MAD1L1: variants seen among roughly 807,000 people sequenced by gnomAD.
The protein encoded by MAD1L1 is mitotic spindle assembly checkpoint protein MAD1.
A neutral mutation model predicts 96.9 loss-of-function variants in MAD1L1; 95 were observed. That is an observed-to-expected ratio of 0.98 (90% confidence interval 0.83 to 1.16). The LOEUF is 1.16. Among genes scored for constraint, MAD1L1 ranks in the 50% most tolerant of loss-of-function variants. The probability of loss-of-function intolerance (pLI) is 0.00; values close to 1 mark genes in which losing one functional copy is unlikely to be tolerated. For missense variants in MAD1L1, 1,007 were observed against 954.4 expected (o/e 1.06, Z -0.73); for synonymous variants, 473 against 396.6 (o/e 1.19, Z -2.29).
At chr7:1,950,767 G>A (rs1779456833) in intron 16 of MAD1L1, among the ~76,000 whole-genome samples, 1 of 152,246 alleles carries the variant, frequency 6.6e-6, no homozygotes, top group African/African-American at 2.4e-5. Flanking sequence ...TCAGCATGGG[G>A]GGAGCAGCAC....
In MAD1L1 at chr7:2,008,771, A is replaced by G. The variant is rs78404944; in HGVS notation, c.1359+5731T>C. 5.7e-4 allele frequency among the ~76,000 whole-genome samples: 71 copies of G among 123,812 alleles called. No individual in the cohort carries two copies. The South Asian group carries it at 0.013, about 22-fold the overall frequency. 81.2% of individuals were successfully genotyped at this position (123,812 alleles called of 152,430 possible). ...TCAGACGCAGACACGCAGGAAGCTC[A>G]GGGGGGGAAGGAACACGGCTCCATC... On this transcript the variant is annotated intron_variant, in intron 13 of 18. Coordinates refer to ENST00000265854, the MANE Select transcript of MAD1L1 (RefSeq NM_001013836.2).
Position 2,133,816 on chromosome 7 carries a change from T to C in MAD1L1, c.1073+15336A>G, listed in dbSNP as rs145362315. 2.9e-3 allele frequency among the ~76,000 whole-genome samples: 440 copies of C among 152,348 alleles called. 5 individuals carry two copies. The highest frequency in any genetic ancestry group is 9.9e-3 in the African/African-American group (412 of 41,570). On this transcript the variant is annotated intron_variant, in intron 11 of 18. Coordinates refer to ENST00000265854, the MANE Select transcript of MAD1L1 (RefSeq NM_001013836.2). Reference sequence around the variant, plus strand: ...GAAGACCGTTTTCCTCTGAGCTGCCTTTGCTCTGCGGTCCACGATCAGCCG... The same window carrying C: ...GAAGACCGTTTTCCTCTGAGCTGCCCTTGCTCTGCGGTCCACGATCAGCCG...
At chr7:2,055,115 C>T (rs1172470207) in intron 12 of MAD1L1, among the ~76,000 whole-genome samples, 1 of 152,242 alleles carries the variant, frequency 6.6e-6, no homozygotes, top group African/African-American at 2.4e-5. Context: ...AGCCTCCCTC[C>T]AGGCACTAGG....
intron 12 of MAD1L1, among the ~76,000 whole-genome samples, chr7:2,015,753 C>G (rs1458503825): frequency 6.6e-6 from 1 of 152,254 alleles, no homozygotes; most frequent in African/African-American, 2.4e-5. Flanking sequence ...GGGAGCCAGC[C>G]CTCCAGACAC....
At chr7:2,060,976 C>A (rs1215085600) in intron 12 of MAD1L1, among the ~76,000 whole-genome samples, 1 of 152,190 alleles carries the variant, frequency 6.6e-6, no homozygotes, top group African/African-American at 2.4e-5. Context: ...TAACTAAATA[C>A]GTTTCAACAA....
intron 5 of MAD1L1, chr7:2,220,983 A>C (rs954973597): frequency 1.2e-6 from 2 of 1,612,416 alleles, no homozygotes; most frequent in Non-Finnish European, 1.7e-6. Context: ...GAAGAGGCGC[A>C]TAAGATAATT....
intron 15 of MAD1L1, among the ~76,000 whole-genome samples, chr7:1,963,197 T>C (rs1318221640): frequency 6.6e-6 from 1 of 152,146 alleles, no homozygotes; most frequent in Non-Finnish European, 1.5e-5. Flanking sequence ...CAAATGTCCA[T>C]CGCAAGGGAA....
At chr7:2,211,944 A>G (rs908433541) in intron 10 of MAD1L1, among the ~76,000 whole-genome samples, 1 of 152,212 alleles carries the variant, frequency 6.6e-6, no homozygotes, top group Non-Finnish European at 1.5e-5. Context: ...AAGCAAACAC[A>G]ATAAGAGGCC....
At chr7:2,009,866 G>A (rs907628886) in intron 13 of MAD1L1, among the ~76,000 whole-genome samples, 6 of 152,074 alleles carry the variant, frequency 3.9e-5, no homozygotes, top group East Asian at 1.9e-4. Context: ...GTGTGCTGCC[G>A]GGGGTGGCAC....
intron 17 of MAD1L1, among the ~76,000 whole-genome samples, chr7:1,914,589 G>A (rs1019458886): frequency 1.3e-5 from 2 of 152,168 alleles, no homozygotes; most frequent in African/African-American, 2.4e-5. Context: ...GTGACTTCCA[G>A]AACCCGAGAT....
At chr7:1,828,298 C>T (rs1194461550) in intron 18 of MAD1L1, among the ~76,000 whole-genome samples, 1 of 152,188 alleles carries the variant, frequency 6.6e-6, no homozygotes, top group Non-Finnish European at 1.5e-5. Flanking sequence ...ACAGTCACAG[C>T]CCAGGCAGGG....
intron 1 of MAD1L1, among the ~76,000 whole-genome samples, chr7:2,232,375 C>T (rs1005825396): frequency 2.6e-5 from 4 of 152,264 alleles, no homozygotes; most frequent in African/African-American, 7.2e-5. Flanking sequence ...CTTGCCATCC[C>T]CGAGGGGAAA....
intron 11 of MAD1L1, among the ~76,000 whole-genome samples, chr7:2,076,179 G>A (rs2128534737): frequency 6.6e-6 from 1 of 152,340 alleles, no homozygotes; most frequent in East Asian, 1.9e-4. Flanking sequence ...GCCACGCCCG[G>A]GCCCAGGGCA....
intron 11 of MAD1L1, among the ~76,000 whole-genome samples, chr7:2,083,270 C>A (rs1785744250): frequency 6.6e-6 from 1 of 152,262 alleles, no homozygotes. Context: ...AGTCACCCGG[C>A]AGCTCATTTA....
chr7:1,996,807 C>T (rs1221325112), intron 14 of MAD1L1, among the ~76,000 whole-genome samples: 1 of 151,394 alleles, frequency 6.6e-6, no homozygotes, highest in Non-Finnish European at 1.5e-5. Context: ...CCCTCTGAAT[C>T]GGAAAATAAA....
intron 18 of MAD1L1, among the ~76,000 whole-genome samples, chr7:1,861,240 G>T (rs957090361): frequency 6.6e-6 from 1 of 152,184 alleles, no homozygotes; most frequent in Admixed American, 6.5e-5. Context: ...TGCTGGGTCC[G>T]GTGGGGGCTG....
intron 11 of MAD1L1, chr7:2,148,408 T>C (rs1225089914): frequency 6.5e-6 from 1 of 153,140 alleles, no homozygotes; most frequent in African/African-American, 2.4e-5. Context: ...TCCCACCGGA[T>C]GGGGTTCAGT....
intron 18 of MAD1L1, among the ~76,000 whole-genome samples, chr7:1,831,521 C>T (rs1782704036): frequency 6.6e-6 from 1 of 152,208 alleles, no homozygotes; most frequent in South Asian, 2.1e-4. Flanking sequence ...ACTCACATGT[C>T]TCTCACTTTA....
chr7:2,213,621 G>C (rs1472113000), intron 9 of MAD1L1, among the ~76,000 whole-genome samples: 1 of 152,180 alleles, frequency 6.6e-6, no homozygotes, highest in Non-Finnish European at 1.5e-5. Flanking sequence ...TCGGGTCCTT[G>C]AGCCGTTAGG....
Sources: gnomAD v4.1 joint callset for allele counts (sites outside exome capture counted in the v4.1 genomes callset) on GRCh38, gnomAD v4.1.1 for gene constraint, MANE v1.5 for transcripts, NCBI Gene and HGNC (gene_info 2026-07-23, HGNC 2026-07-21) for gene names.